Variants in CCDC69 observed in about 807,000 individuals in gnomAD.
The protein encoded by CCDC69 is coiled-coil domain containing 69, also known as coiled-coil domain-containing protein 69.
In CCDC69, 38 loss-of-function variants were observed where a neutral mutation model predicts 40.3. The ratio of observed to expected loss-of-function variants is 0.94; its 90% CI spans 0.73 to 1.24. The LOEUF (loss-of-function observed/expected upper bound fraction) is 1.24, where lower values mean the gene tolerates loss of function less well. CCDC69 is among the 50% of genes most tolerant of loss of function. The probability of loss-of-function intolerance (pLI) is 0.00; values close to 1 mark genes in which losing one functional copy is unlikely to be tolerated. For missense variants in CCDC69, 389 were observed against 357.9 expected (o/e 1.09, Z -0.70); for synonymous variants, 141 against 138.9 (o/e 1.02, Z -0.11).
intron 1 of CCDC69, among the ~76,000 whole-genome samples, chr5:151,222,186 T>C (rs1582054916): frequency 6.6e-6 from 1 of 152,244 alleles, no homozygotes; most frequent in African/African-American, 2.4e-5. Context: ...CCTTCCCTTT[T>C]CTAGGCCTTA....
chr5:151,208,649 C>CT (rs1222513018), intron 1 of CCDC69, among the ~76,000 whole-genome samples: 1 of 152,260 alleles, frequency 6.6e-6, no homozygotes, highest in Non-Finnish European at 1.5e-5. Flanking sequence ...ACTCCGGAAT[C>CT]TGGGGAAGTG....
chr5:151,184,216 C>A, intron 8 of CCDC69, 128 bp downstream of exon 8: 3 of 683,290 alleles, frequency 4.4e-6, no homozygotes, highest in Non-Finnish European at 7.7e-6. Flanking sequence ...GAAAGAGGAG[C>A]CACATTCCCT....
Position 151,204,395 on chromosome 5 carries a change from G to C in CCDC69, c.124+1005C>G, listed in dbSNP as rs76368840. On this transcript the variant is annotated intron_variant, in intron 2 of 8. Transcript: ENST00000355417. ...TGGTCCAATTACTTATGCGGTACTTGAACTTCACCCACAATATTCCCAACA... is the reference window on the plus strand; with the variant it reads ...TGGTCCAATTACTTATGCGGTACTTCAACTTCACCCACAATATTCCCAACA... 6.7e-3 allele frequency among the ~76,000 whole-genome samples: 1,021 copies of C among 152,268 alleles called. 4 individuals carry two copies. Among genetic ancestry groups the C allele is most frequent in the Middle Eastern group, 0.02 (6 of 294 alleles).
chr5:151,185,296 G>T, intron 7 of CCDC69, 126 bp downstream of exon 7: 1 of 1,061,102 alleles, frequency 9.4e-7, no homozygotes, highest in Non-Finnish European at 1.4e-6. Flanking sequence ...ACAGGTGGCA[G>T]GTCAAAGCTG....
Position 151,182,920 on chromosome 5 carries a change from C to A in CCDC69, c.*517G>T. The A allele has an allele frequency of 2.5e-6, 1 of 393,548 alleles. No homozygotes were observed. The highest frequency in any genetic ancestry group is 5.1e-6 in the Non-Finnish European group (1 of 194,266). The allele number at this position is 393,548 out of a possible 1,614,324, so 24.4% of individuals were successfully genotyped here. A position where few individuals can be genotyped will look rare whatever the true frequency, so the allele number is the denominator to read the frequency against. On this transcript the variant is annotated 3_prime_UTR_variant, in exon 9 of 9. Transcript: ENST00000355417. Reference sequence around the variant, plus strand: ...CCCAACCCCTACTCTGGCCTTCAGACAATCCTAGAATGGGACACTGCAGTG... The same window carrying A: ...CCCAACCCCTACTCTGGCCTTCAGAAAATCCTAGAATGGGACACTGCAGTG...
rs534710479 is a variant in CCDC69 at position 151,223,069 on chromosome 5, G to A, written c.48+854C>T. ...AGGGGGCAGGTAGTGGTAAGAAAAGGGGCCAGAATTTGAGGGTCCTTCTTC... is the reference window on the plus strand; with the variant it reads ...AGGGGGCAGGTAGTGGTAAGAAAAGAGGCCAGAATTTGAGGGTCCTTCTTC... On this transcript the variant is annotated intron_variant, in intron 1 of 8. Coordinates refer to ENST00000355417, the MANE Select transcript of CCDC69 (RefSeq NM_015621.3). 7.2e-4 allele frequency among the ~76,000 whole-genome samples: 110 copies of A among 152,308 alleles called. 1 individual carries two copies. The highest frequency in any genetic ancestry group is 1.9e-3 in the East Asian group (10 of 5,176).
At chr5:151,220,916 A>C (rs1467038180) in intron 1 of CCDC69, among the ~76,000 whole-genome samples, 1 of 151,184 alleles carries the variant, frequency 6.6e-6, no homozygotes, top group East Asian at 1.9e-4. Flanking sequence ...ACCCCTACCC[A>C]CTCTGCCTGG....
intron 4 of CCDC69, among the ~76,000 whole-genome samples, chr5:151,195,889 T>A (rs1005820569): frequency 2.0e-5 from 3 of 152,146 alleles, no homozygotes; most frequent in Admixed American, 6.5e-5. Flanking sequence ...ATTCTTAAAA[T>A]CATTCAGACC....
intron 2 of CCDC69, among the ~76,000 whole-genome samples, chr5:151,203,846 C>CAT (rs36141328): frequency 0.21 from 25,090 of 120,726 alleles, 5,278 homozygotes; most frequent in African/African-American, 0.51. Flanking sequence ...AAATATATAT[C>CAT]ATATATAGTA....
chr5:151,195,115 T>G (rs1456839328), intron 4 of CCDC69, among the ~76,000 whole-genome samples: 1 of 152,192 alleles, frequency 6.6e-6, no homozygotes, highest in Non-Finnish European at 1.5e-5. Flanking sequence ...GTGCTTTCAT[T>G]CATTCATTAT....
chr5:151,195,708 G>A (rs1752689318), intron 4 of CCDC69, among the ~76,000 whole-genome samples: 1 of 90,100 alleles, frequency 1.1e-5, no homozygotes, highest in Non-Finnish European at 2.0e-5. Context: ...GACAGAGTGA[G>A]ACTCCATCTC....
Position 151,210,498 on chromosome 5 carries a change from C to G in CCDC69, c.49-5023G>C, listed in dbSNP as rs190013625. Among the ~76,000 whole-genome samples the G allele has an allele frequency of 1.8e-3, 271 of 151,914 alleles. 1 individual carries two copies. The highest frequency in any genetic ancestry group is 6.1e-3 in the African/African-American group (251 of 41,392). On this transcript the variant is annotated intron_variant, in intron 1 of 8. Coordinates refer to ENST00000355417, the MANE Select transcript of CCDC69 (RefSeq NM_015621.3). ...GGTGGAGGTTGCAGTGAGCCAAGAT[C>G]GCACCACTGCACTCCAGTCTGGGCG...
chr5:151,198,655 G>GCTA (rs1307134460), intron 4 of CCDC69, among the ~76,000 whole-genome samples: 2 of 152,176 alleles, frequency 1.3e-5, no homozygotes, highest in Non-Finnish European at 2.9e-5. Flanking sequence ...ATAAATAAGA[G>GCTA]CTACCATCAT....
At chr5:151,222,548 A>G (rs920336026) in intron 1 of CCDC69, among the ~76,000 whole-genome samples, 1 of 152,204 alleles carries the variant, frequency 6.6e-6, no homozygotes, top group Non-Finnish European at 1.5e-5. Context: ...ATACAGGGAG[A>G]AACTGAGACC....
intron 1 of CCDC69, among the ~76,000 whole-genome samples, chr5:151,218,000 C>G (rs917473494): frequency 6.6e-6 from 1 of 151,966 alleles, no homozygotes; most frequent in Non-Finnish European, 1.5e-5. Context: ...AAAAAAACTC[C>G]ATTGCAGAGA....
chr5:151,189,726 G>C (rs1339309957), intron 4 of CCDC69, among the ~76,000 whole-genome samples: 2 of 152,180 alleles, frequency 1.3e-5, no homozygotes. Flanking sequence ...AAAAGGTGTA[G>C]AATGGAACCA....
At chr5:151,195,434 T>C (rs1752682983) in intron 4 of CCDC69, among the ~76,000 whole-genome samples, 1 of 151,956 alleles carries the variant, frequency 6.6e-6, no homozygotes, top group African/African-American at 2.4e-5. Context: ...AAAACACAAT[T>C]CTTCGGCTGG....
intron 1 of CCDC69, among the ~76,000 whole-genome samples, chr5:151,222,857 T>C (rs1447861397): frequency 2.6e-5 from 4 of 151,898 alleles, no homozygotes; most frequent in Admixed American, 6.6e-5. Flanking sequence ...GAGAAGGGAG[T>C]AGAATCCTCC....
chr5:151,213,412 ATT>A (rs34388055), intron 1 of CCDC69, among the ~76,000 whole-genome samples: 10 of 144,032 alleles, frequency 6.9e-5, no homozygotes, highest in Non-Finnish European at 7.6e-5. Flanking sequence ...ATGTCCGGCT[ATT>A]TTTTTTTTTT....
Sources: allele counts gnomAD v4.1 joint callset (sites outside exome capture counted in the v4.1 genomes callset), GRCh38; gene constraint gnomAD v4.1.1; transcripts MANE v1.5; gene names NCBI Gene and HGNC (gene_info 2026-07-23, HGNC 2026-07-21).